The following SLC71A2 variants were observed in gnomAD, a reference collection of about 807,000 sequenced individuals.
SLC71A2 encodes the protein hippocampus abundant transcript-like 1.
chr9:94,447,500 TTA>T, the SLC71A2 span, among the ~76,000 whole-genome samples: 3 of 136,122 alleles, frequency 2.2e-5, no homozygotes, highest in Admixed American at 7.7e-5. Context: ...TTTTTTTTTT[TTA>T]AATAGACTAT....
the SLC71A2 span, among the ~76,000 whole-genome samples, chr9:94,380,010 A>G: frequency 4.6e-5 from 7 of 152,180 alleles, no homozygotes; most frequent in Non-Finnish European, 1.0e-4. Flanking sequence ...GCTTACGCCT[A>G]TAATCCCAGC....
At chr9:94,400,793 G>A in the SLC71A2 span, among the ~76,000 whole-genome samples, 1 of 152,108 alleles carries the variant, frequency 6.6e-6, no homozygotes, top group African/African-American at 2.4e-5. Flanking sequence ...TGAAAAATGC[G>A]TGGTGCCGTT....
At chr9:94,449,176 T>C in the SLC71A2 span, among the ~76,000 whole-genome samples, 1 of 152,194 alleles carries the variant, frequency 6.6e-6, no homozygotes, top group Non-Finnish European at 1.5e-5. Context: ...TTCTTCTAGC[T>C]TTTCTCCTAC....
chr9:94,383,741 A>G, the SLC71A2 span, among the ~76,000 whole-genome samples: 1 of 151,954 alleles, frequency 6.6e-6, no homozygotes, highest in African/African-American at 2.4e-5. Context: ...ATCTGTTTGG[A>G]AAGAATTGAT....
the SLC71A2 span, among the ~76,000 whole-genome samples, chr9:94,441,848 G>A: frequency 0.71 from 108,361 of 152,134 alleles, 40,155 homozygotes; most frequent in African/African-American, 0.93. Context: ...CAGTGTTTCT[G>A]ATTTTCTCAG....
the SLC71A2 span, chr9:94,459,560 C>A: frequency 4.7e-6 from 3 of 637,152 alleles, no homozygotes; most frequent in Non-Finnish European, 7.5e-6. Flanking sequence ...TCATTCTGCT[C>A]ATCCTCCTCC....
chr9:94,382,521 C>T, the SLC71A2 span, among the ~76,000 whole-genome samples: 1 of 151,984 alleles, frequency 6.6e-6, no homozygotes, highest in African/African-American at 2.4e-5. Context: ...TCCATCTTTT[C>T]ATTCTCTCAG....
the SLC71A2 span, among the ~76,000 whole-genome samples, chr9:94,438,063 G>C: frequency 2.0e-5 from 3 of 152,074 alleles, no homozygotes; most frequent in Non-Finnish European, 4.4e-5. Context: ...TGAGTAGCTG[G>C]GATTACAGGC....
chr9:94,459,550 T>C, the SLC71A2 span: 1 of 733,806 alleles, frequency 1.4e-6, no homozygotes, highest in Non-Finnish European at 2.1e-6. Context: ...ACCACCGCCA[T>C]CATTCTGCTC....
the SLC71A2 span, among the ~76,000 whole-genome samples, chr9:94,401,846 T>C: frequency 1.3e-5 from 2 of 152,172 alleles, no homozygotes; most frequent in Admixed American, 6.5e-5. Flanking sequence ...AACAAAAGAA[T>C]GGCTACTCCA....
chr9:94,399,338 G>T, the SLC71A2 span, among the ~76,000 whole-genome samples: 5 of 152,068 alleles, frequency 3.3e-5, no homozygotes, highest in Non-Finnish European at 7.4e-5. Context: ...AAACCAAGAT[G>T]TGTCACACTA....
the SLC71A2 span, among the ~76,000 whole-genome samples, chr9:94,409,753 C>T: frequency 6.6e-6 from 1 of 151,714 alleles, no homozygotes; most frequent in African/African-American, 2.4e-5. Flanking sequence ...TTTTAATATT[C>T]ATGAATTTTC....
chr9:94,432,956 A>T, the SLC71A2 span: 1 of 391,888 alleles, frequency 2.6e-6, no homozygotes, highest in Non-Finnish European at 5.1e-6. Context: ...AGGAATCCGG[A>T]TACCTTGTAA....
the SLC71A2 span, among the ~76,000 whole-genome samples, chr9:94,410,847 C>A: frequency 5.9e-5 from 9 of 152,312 alleles, no homozygotes; most frequent in East Asian, 1.2e-3. Context: ...CTCACTGCAG[C>A]CTCCGCCTCC....
At chr9:94,400,193 T>C in the SLC71A2 span, among the ~76,000 whole-genome samples, 4 of 151,968 alleles carry the variant, frequency 2.6e-5, no homozygotes, top group Non-Finnish European at 5.9e-5. Context: ...CTCGACCAAC[T>C]AAAACTGGGG....
chr9:94,443,352 T>C, the SLC71A2 span, among the ~76,000 whole-genome samples: 4 of 152,268 alleles, frequency 2.6e-5, no homozygotes, highest in South Asian at 4.1e-4. Context: ...CTTCTAGATA[T>C]AGGAGAATTT....
the SLC71A2 span, among the ~76,000 whole-genome samples, chr9:94,400,497 C>G: frequency 1.5e-5 from 2 of 129,970 alleles, no homozygotes; most frequent in South Asian, 2.9e-4. Flanking sequence ...TTTTTTGCCT[C>G]CAGTCTTAAA....
chr9:94,391,076 G>A, the SLC71A2 span, among the ~76,000 whole-genome samples: 120 of 151,720 alleles, frequency 7.9e-4, no homozygotes, highest in South Asian at 0.024. Context: ...CCAGGGTCTT[G>A]ACCTAGTGGA....
the SLC71A2 span, among the ~76,000 whole-genome samples, chr9:94,399,158 G>A: frequency 1.3e-5 from 2 of 152,108 alleles, no homozygotes; most frequent in Non-Finnish European, 2.9e-5. Flanking sequence ...TACTCAGTCT[G>A]TACAGAAACA....
Sources: gnomAD v4.1 joint callset for allele counts (sites outside exome capture counted in the v4.1 genomes callset) on GRCh38, gnomAD v4.1.1 for gene constraint, MANE v1.5 for transcripts, NCBI Gene and HGNC (gene_info 2026-07-23, HGNC 2026-07-21) for gene names.